PID1: variants seen among roughly 807,000 people sequenced by gnomAD.
PID1 encodes the protein phosphotyrosine interaction domain containing 1.
In PID1, 10 loss-of-function variants were observed where a neutral mutation model predicts 19.1. The ratio of observed to expected loss-of-function variants is 0.52; its 90% confidence interval spans 0.32 to 0.89. The LOEUF (loss-of-function observed/expected upper bound fraction) is 0.89. Ranked by LOEUF, PID1 falls within the 40% of genes least tolerant of loss-of-function variation. The pLI is 0.03. For missense variants in PID1, 248 were observed against 285.3 expected, an observed-to-expected ratio of 0.87 and a Z score of 0.94; for synonymous variants, 130 against 116.0, an observed-to-expected ratio of 1.12 and a Z score of -0.78.
intron 1 of PID1, among the ~76,000 whole-genome samples, chr2:229,256,466 G>A (rs552202813): frequency 2.6e-5 from 4 of 152,210 alleles, no homozygotes; most frequent in Non-Finnish European, 5.9e-5. Flanking sequence ...ACAATGGAAT[G>A]CTTCTTTACA....
intron 1 of PID1, among the ~76,000 whole-genome samples, chr2:229,237,563 T>C (rs1574748677): frequency 1.3e-5 from 2 of 152,294 alleles, no homozygotes; most frequent in East Asian, 3.9e-4. Flanking sequence ...GCTGTTCACT[T>C]GCTTCTAATT....
rs1183819706 is a variant in PID1 at position 229,076,386 on chromosome 2, T to G, written c.178-50278A>C. 2.6e-5 allele frequency among the ~76,000 whole-genome samples: 4 copies of G among 150,996 alleles called. No individual in the cohort carries two copies. In the South Asian group the frequency reaches 6.3e-4, roughly 24 times the overall value. Reference sequence around the variant, plus strand: ...GTGAAACTCTTTCTTGGGTTTTTGTTTTTTTTTTACTTTTTTTATGATTAT... The same window carrying G: ...GTGAAACTCTTTCTTGGGTTTTTGTGTTTTTTTTACTTTTTTTATGATTAT... On this transcript the variant is annotated intron_variant, in intron 2 of 2. Transcript: ENST00000392055.
chr2:229,264,074 T>C (rs988649428), intron 1 of PID1, among the ~76,000 whole-genome samples: 5 of 151,908 alleles, frequency 3.3e-5, no homozygotes, highest in African/African-American at 1.2e-4. Flanking sequence ...ACTGCTGGAG[T>C]GGAAGGAAAT....
intron 2 of PID1, among the ~76,000 whole-genome samples, chr2:229,082,785 C>A (rs1694693638): frequency 6.6e-6 from 1 of 152,140 alleles, no homozygotes; most frequent in Non-Finnish European, 1.5e-5. Flanking sequence ...GAATACAGCT[C>A]AGCCAACATC....
At chr2:229,224,326 T>C (rs1418018349) in intron 1 of PID1, among the ~76,000 whole-genome samples, 1 of 152,296 alleles carries the variant, frequency 6.6e-6, no homozygotes, top group Non-Finnish European at 1.5e-5. Context: ...AATTCCATTA[T>C]TGGGTATCTA....
At chr2:229,158,740 C>T (rs1276342021) in intron 1 of PID1, among the ~76,000 whole-genome samples, 1 of 152,144 alleles carries the variant, frequency 6.6e-6, no homozygotes, top group East Asian at 1.9e-4. Flanking sequence ...GATACACACA[C>T]ACAAGTACCT....
At chr2:229,135,382 A>T (rs1224155813) in intron 2 of PID1, among the ~76,000 whole-genome samples, 2 of 152,220 alleles carry the variant, frequency 1.3e-5, no homozygotes, top group Non-Finnish European at 2.9e-5. Flanking sequence ...AAGTGAAAAA[A>T]GCCAAACTCA....
intron 1 of PID1, among the ~76,000 whole-genome samples, chr2:229,269,077 T>C (rs888419115): frequency 6.6e-6 from 1 of 152,212 alleles, no homozygotes; most frequent in Admixed American, 6.5e-5. Flanking sequence ...GAGATGTATG[T>C]ACTTTCAAAA....
At chr2:229,035,208 T>A (rs1364921587) in intron 2 of PID1, among the ~76,000 whole-genome samples, 1 of 152,160 alleles carries the variant, frequency 6.6e-6, no homozygotes, top group Non-Finnish European at 1.5e-5. Flanking sequence ...ATAAAGCAGA[T>A]TACCCTTCAT....
chr2:229,035,326 C>T (rs991793859), intron 2 of PID1, among the ~76,000 whole-genome samples: 2 of 152,130 alleles, frequency 1.3e-5, no homozygotes, highest in East Asian at 1.9e-4. Flanking sequence ...AAGACTGCAA[C>T]GTCTCTTCCC....
At chr2:229,084,447 C>T (rs959226248) in intron 2 of PID1, among the ~76,000 whole-genome samples, 13 of 152,146 alleles carry the variant, frequency 8.5e-5, no homozygotes, top group South Asian at 4.1e-4. Flanking sequence ...AGCTCTGTTT[C>T]GCCTCCAGGT....
At chr2:229,123,686 T>C (rs1369035991) in intron 2 of PID1, among the ~76,000 whole-genome samples, 2 of 152,198 alleles carry the variant, frequency 1.3e-5, no homozygotes, top group African/African-American at 2.4e-5. Flanking sequence ...CCAACACTTG[T>C]TATTATCTGT....
chr2:229,177,730 A>T (rs752450727), intron 1 of PID1, among the ~76,000 whole-genome samples: 22 of 151,378 alleles, frequency 1.5e-4, no homozygotes, highest in Admixed American at 2.6e-4. Flanking sequence ...GGCATCTTTC[A>T]TCATCATCAT....
At chr2:229,099,042 C>T (rs1325968514) in intron 2 of PID1, among the ~76,000 whole-genome samples, 3 of 152,112 alleles carry the variant, frequency 2.0e-5, no homozygotes, top group Non-Finnish European at 4.4e-5. Context: ...TGAGGCTGCA[C>T]TGGGGAAGTT....
intron 1 of PID1, among the ~76,000 whole-genome samples, chr2:229,235,017 T>C (rs992272381): frequency 5.3e-5 from 8 of 152,236 alleles, no homozygotes; most frequent in African/African-American, 1.9e-4. Flanking sequence ...GTTGTGATAC[T>C]ATTATCTCAG....
chr2:229,104,985 G>A lies in PID1; in HGVS notation c.177+50833C>T, dbSNP rs951571383. On this transcript the variant is annotated intron_variant, in intron 2 of 2. Transcript: ENST00000392055. ...GACACAAATGTTCCCAGAGACAAAC[G>A]CACTGCTCTGACAAAATTCCCAAGC... is the stretch of plus-strand genomic sequence containing the variant. Among the ~76,000 whole-genome samples the A allele has an allele frequency of 4.0e-5, 6 of 151,498 alleles. 1 individual carries two copies. Among genetic ancestry groups the A allele is most frequent in the African/African-American group, 1.5e-4 (6 of 40,816 alleles).
At chr2:229,088,539 G>A (rs956823989) in intron 2 of PID1, among the ~76,000 whole-genome samples, 5 of 152,080 alleles carry the variant, frequency 3.3e-5, no homozygotes, top group African/African-American at 9.7e-5. Context: ...ACAGAAACCA[G>A]ACCTCTTCAC....
intron 1 of PID1, among the ~76,000 whole-genome samples, chr2:229,219,735 C>T (rs1373735239): frequency 1.3e-5 from 2 of 151,924 alleles, no homozygotes; most frequent in East Asian, 1.9e-4. Context: ...GACAGAGTCT[C>T]AATAAGTTCT....
At chr2:229,191,170 T>C (rs1446825419) in intron 1 of PID1, among the ~76,000 whole-genome samples, 4 of 152,198 alleles carry the variant, frequency 2.6e-5, no homozygotes, top group Admixed American at 2.6e-4. Context: ...GCAGCATCCT[T>C]GGCCATTACC....
Sources: gnomAD v4.1 joint callset for allele counts (sites outside exome capture counted in the v4.1 genomes callset) on GRCh38, gnomAD v4.1.1 for gene constraint, MANE v1.5 for transcripts, NCBI Gene and HGNC (gene_info 2026-07-23, HGNC 2026-07-21) for gene names.